The following KITLG variants were observed in gnomAD, a reference collection of about 807,000 sequenced individuals.
KITLG encodes the protein c-Kit ligand.
Under a neutral mutation model 34.1 loss-of-function variants are expected in KITLG, and 13 were observed. That is an observed-to-expected ratio of 0.38 (90% CI 0.25 to 0.61). KITLG has a LOEUF of 0.61. Among genes scored for constraint, KITLG ranks in the 20% least tolerant of loss-of-function variants. KITLG has a pLI of 0.60. For synonymous variants in KITLG, 110 were observed against 104.0 expected (o/e 1.06, Z -0.35); for missense variants, 292 against 318.9 (o/e 0.92, Z 0.64).
intron 6 of KITLG, among the ~76,000 whole-genome samples, chr12:88,509,626 G>A (rs557613701): frequency 6.6e-6 from 1 of 152,272 alleles, no homozygotes; most frequent in South Asian, 2.1e-4. Context: ...ACTGGATGGC[G>A]GGGCGGCAGT....
At chr12:88,540,992 C>G (rs1870500165) in intron 2 of KITLG, among the ~76,000 whole-genome samples, 1 of 152,078 alleles carries the variant, frequency 6.6e-6, no homozygotes, top group Non-Finnish European at 1.5e-5. Flanking sequence ...CCTAGGTCAT[C>G]TGAAGAAAAG....
chr12:88,534,828 C>T (rs1870249019), intron 2 of KITLG: 1 of 369,128 alleles, frequency 2.7e-6, no homozygotes, highest in Admixed American at 4.0e-5. Context: ...TCTTCATCCT[C>T]ATCTTTGAAA....
chr12:88,556,480 A>C (rs76417485), intron 1 of KITLG, among the ~76,000 whole-genome samples: 12 of 152,302 alleles, frequency 7.9e-5, no homozygotes, highest in African/African-American at 2.9e-4. Context: ...GGCCTTAACT[A>C]GGGCAGTGGC....
intron 1 of KITLG, among the ~76,000 whole-genome samples, chr12:88,554,547 G>T (rs952641764): frequency 2.0e-5 from 3 of 152,152 alleles, no homozygotes; most frequent in African/African-American, 7.2e-5. Flanking sequence ...TATTTTGGAA[G>T]AGAGCCAACT....
At chr12:88,531,582 T>A (rs571353652) in intron 3 of KITLG, among the ~76,000 whole-genome samples, 1 of 152,212 alleles carries the variant, frequency 6.6e-6, no homozygotes, top group South Asian at 2.1e-4. Flanking sequence ...GTAGTACTTA[T>A]AATAGTAAAC....
At chr12:88,498,201 C>A (rs1162199681) in intron 9 of KITLG, among the ~76,000 whole-genome samples, 2 of 152,154 alleles carry the variant, frequency 1.3e-5, no homozygotes, top group Non-Finnish European at 2.9e-5. Flanking sequence ...TCTTTCACTA[C>A]TTTTGTCCTT....
chr12:88,503,787 C>T (rs1868951375), intron 9 of KITLG, among the ~76,000 whole-genome samples: 1 of 152,120 alleles, frequency 6.6e-6, no homozygotes, highest in South Asian at 2.1e-4. Context: ...TCCGTGCATC[C>T]TGGGCTCTGA....
intron 3 of KITLG, among the ~76,000 whole-genome samples, chr12:88,521,324 A>G (rs957907823): frequency 3.9e-5 from 6 of 152,262 alleles, no homozygotes; most frequent in African/African-American, 1.4e-4. Context: ...TTTTAATTAA[A>G]TATCGTCAAT....
rs551664961 is a variant in KITLG at position 88,507,368 on chromosome 12, G to T, written c.605-231C>A. ...AAGAAAGAAATCACAGAGACAGAAA[G>T]AGATCTGGCTTGGGTAATTCTGACA... On this transcript the variant is annotated intron_variant, in intron 6 of 9. Transcript: ENST00000644744. Among the ~76,000 whole-genome samples the T allele has an allele frequency of 2.6e-5, 4 of 152,320 alleles. No homozygotes were observed. The South Asian group carries it at 8.3e-4, about 32-fold the overall frequency.
rs914702751 is a variant in KITLG at position 88,494,778 on chromosome 12, T to C, written c.*2441A>G. ...AACCTTCCAAGATGGAACTGTCAGA[T>C]ACATGGCACCAACTGAAAAGGCGAT... is the stretch of plus-strand genomic sequence containing the variant. On this transcript the variant is annotated 3_prime_UTR_variant, in exon 10 of 10. Transcript: ENST00000644744. 1 of 152,242 alleles carries C rather than the reference T, an allele frequency of 6.6e-6. No homozygotes were observed. The allele number at this position is 152,242 out of a possible 1,614,324, so 9.4% of individuals were successfully genotyped here.
At chr12:88,521,424 A>G (rs1163376266) in intron 3 of KITLG, among the ~76,000 whole-genome samples, 3 of 152,154 alleles carry the variant, frequency 2.0e-5, no homozygotes, top group African/African-American at 4.8e-5. Flanking sequence ...CTCCACGATT[A>G]TGATTATGAA....
At chr12:88,561,717 G>A (rs1399159192) in intron 1 of KITLG, among the ~76,000 whole-genome samples, 1 of 152,190 alleles carries the variant, frequency 6.6e-6, no homozygotes, top group Non-Finnish European at 1.5e-5. Context: ...CCAACTCCAT[G>A]TTTACGCCTT....
At chr12:88,534,265 T>C (rs565600650) in intron 2 of KITLG, among the ~76,000 whole-genome samples, 1 of 152,158 alleles carries the variant, frequency 6.6e-6, no homozygotes, top group African/African-American at 2.4e-5. Context: ...CACTACATAT[T>C]TTCACACTCT....
chr12:88,507,180 C>G (rs745589487), intron 6 of KITLG, 43 bp from the exon 7 acceptor site: 12 of 1,248,042 alleles, frequency 9.6e-6, no homozygotes, highest in Non-Finnish European at 1.4e-5. Flanking sequence ...CATATCCATT[C>G]TAGAAGTTTT....
chr12:88,570,853 T>C (rs1191338250), intron 1 of KITLG, among the ~76,000 whole-genome samples: 1 of 152,226 alleles, frequency 6.6e-6, no homozygotes, highest in East Asian at 1.9e-4. Context: ...GTTTCACCCA[T>C]GGGGAGTAAT....
intron 1 of KITLG, among the ~76,000 whole-genome samples, chr12:88,579,613 A>G (rs759872793): frequency 5.9e-5 from 9 of 152,100 alleles, no homozygotes; most frequent in Non-Finnish European, 1.2e-4. Context: ...TTGAAATGGA[A>G]AAAGGTGCGT....
intron 1 of KITLG, 153 bp from the exon 2 acceptor site, chr12:88,546,018 T>C (rs760207614): frequency 1.4e-6 from 1 of 730,904 alleles, no homozygotes; most frequent in Non-Finnish European, 2.5e-6. Flanking sequence ...CAAGCTATGC[T>C]CACCAAAGTT....
rs1047869651 is a variant in KITLG at position 88,536,858 on chromosome 12, T to C, written c.130-4355A>G. Among the ~76,000 whole-genome samples, 5 of 152,140 alleles carry C rather than the reference T, an allele frequency of 3.3e-5. No individual in the cohort carries two copies. In the Middle Eastern group the frequency reaches 0.014, roughly 414 times the overall value. ...GGGTATTGGGGGGCTAGGCGAAGGA[T>C]AGCACTAGGAGAAATACCTAATGTA... is the stretch of plus-strand genomic sequence containing the variant. On this transcript the variant is annotated intron_variant, in intron 2 of 9. Transcript: ENST00000644744.
At chr12:88,511,218 G>C (rs769363674) in intron 6 of KITLG, among the ~76,000 whole-genome samples, 3 of 152,176 alleles carry the variant, frequency 2.0e-5, no homozygotes, top group Non-Finnish European at 4.4e-5. Flanking sequence ...AAAGACTTTT[G>C]TTTCCAAATA....
Sources: gnomAD v4.1 joint callset for allele counts (sites outside exome capture counted in the v4.1 genomes callset) on GRCh38, gnomAD v4.1.1 for gene constraint, MANE v1.5 for transcripts, NCBI Gene and HGNC (gene_info 2026-07-23, HGNC 2026-07-21) for gene names.